The following LZTS1 variants were observed in gnomAD, a reference collection of about 807,000 sequenced individuals.
LZTS1 encodes the protein leucine zipper putative tumor suppressor 1.
Under a neutral mutation model 45.8 loss-of-function variants are expected in LZTS1, and 31 were observed. That is an observed-to-expected ratio of 0.68 (90% CI 0.51 to 0.91). The LOEUF (loss-of-function observed/expected upper bound fraction) is 0.91, where lower values mean the gene tolerates loss of function less well. Among genes scored for constraint, LZTS1 ranks in the 40% least tolerant of loss-of-function variants. The probability of loss-of-function intolerance (pLI) is 0.00; values close to 1 mark genes in which losing one functional copy is unlikely to be tolerated. For synonymous variants in LZTS1, 359 were observed against 357.3 expected, an observed-to-expected ratio of 1.00 and a Z score of -0.05; for missense variants, 821 against 788.9, an observed-to-expected ratio of 1.04 and a Z score of -0.49.
chr8:20,303,743 C>T lies in LZTS1; in HGVS notation c.-138G>A. The stretch of plus-strand genomic sequence containing the variant: ...ATCCCCGGCCACCGCACCTTACCTG[C>T]CCCCTGCGCCTCGGGCGCACTTGAG... On this transcript the variant is annotated 5_prime_UTR_variant, in exon 1 of 4. Transcript: ENST00000381569. The T allele has an allele frequency of 3.0e-6, 3 of 985,542 alleles. No individual in the cohort carries two copies. The highest frequency in any genetic ancestry group is 3.6e-6 in the Non-Finnish European group (3 of 830,208). 61.0% of individuals were successfully genotyped at this position (985,542 alleles called of 1,614,324 possible).
intron 1 of LZTS1, among the ~76,000 whole-genome samples, chr8:20,267,753 G>A (rs974107012): frequency 3.9e-5 from 6 of 152,114 alleles, no homozygotes; most frequent in Non-Finnish European, 8.8e-5. Flanking sequence ...TTGACCTCAT[G>A]ATCCACCCGA....
intron 1 of LZTS1, among the ~76,000 whole-genome samples, chr8:20,303,322 A>C (rs1277959057): frequency 2.0e-5 from 3 of 151,906 alleles, no homozygotes; most frequent in Non-Finnish European, 4.4e-5. Context: ...AGCGGCCCGG[A>C]CCGACCGCCG....
intron 1 of LZTS1, among the ~76,000 whole-genome samples, chr8:20,270,414 G>A (rs928880447): frequency 3.3e-5 from 5 of 152,258 alleles, no homozygotes; most frequent in African/African-American, 9.6e-5. Flanking sequence ...GCAGCTTCCC[G>A]TGTCATCAGC....
At position 20,250,077 on chromosome 8, in the gene LZTS1, C is replaced by G. The variant is rs1226738822; in HGVS notation, c.1436G>C (p.Arg479Pro). ...GTCGCGGGCCAGGGCGGCCTGGGCC[C>G]GCAGCTCCTGCAGCTCCTGCTCCAG... The part of the protein sequence containing the change: ...NLLEQELQEL[R>P]AQAALARDMG... Residue 479 changes from arginine to proline, a missense_variant, in exon 4 of 4, where the codon CGG becomes CCG. Physicochemically the swap from Arg to Pro is moderately radical, Grantham distance 103. Coordinates refer to ENST00000381569, the MANE Select transcript of LZTS1 (RefSeq NM_021020.5). 2 of 1,607,184 alleles carry G rather than the reference C, an allele frequency of 1.2e-6. No individual in the cohort carries two copies. Among genetic ancestry groups the G allele is most frequent in the East Asian group, 2.2e-5 (1 of 44,848 alleles).
intron 1 of LZTS1, among the ~76,000 whole-genome samples, chr8:20,259,972 G>A (rs1413377373): frequency 1.3e-5 from 2 of 152,182 alleles, no homozygotes; most frequent in African/African-American, 2.4e-5. Context: ...AGTGATCACA[G>A]CTCACTGCAG....
Position 20,258,206 on chromosome 8 carries a change from A to C in LZTS1, c.-134-2891T>G, listed in dbSNP as rs971565216. 3.3e-5 allele frequency among the ~76,000 whole-genome samples: 5 copies of C among 152,268 alleles called. No individual in the cohort carries two copies. The South Asian group carries it at 1.0e-3, about 32-fold the overall frequency. On this transcript the variant is annotated intron_variant, in intron 1 of 3. Transcript: ENST00000381569. ...ACAGATATCCAATTAAGAAGGGGAA[A>C]GCCACAAGTTTAATAAAACAGGAGA...
Position 20,249,630 on chromosome 8 carries a change from C to T in LZTS1, c.*92G>A, listed in dbSNP as rs1486130401. The T allele has an allele frequency of 2.7e-6, 4 of 1,477,248 alleles. No homozygotes were observed. The highest frequency in any genetic ancestry group is 3.6e-6 in the Non-Finnish European group (4 of 1,105,248). 91.5% of individuals were successfully genotyped at this position (1,477,248 alleles called of 1,614,324 possible). A position where few individuals can be genotyped will look rare whatever the true frequency, so the allele number is the denominator to read the frequency against. On this transcript the variant is annotated 3_prime_UTR_variant, in exon 4 of 4. Transcript: ENST00000381569. ...CTGTGTCCCAGGGAGTGGCGTCTCT[C>T]AGAGGGGTCTGAATTGCTGAGCAGG...
intron 1 of LZTS1, among the ~76,000 whole-genome samples, chr8:20,261,907 T>G (rs1352402824): frequency 6.6e-6 from 1 of 151,976 alleles, no homozygotes. Flanking sequence ...GCCTCCTCCC[T>G]CCCACTCAGC....
chr8:20,266,124 G>A (rs1482225533), intron 1 of LZTS1, among the ~76,000 whole-genome samples: 1 of 151,836 alleles, frequency 6.6e-6, no homozygotes, highest in East Asian at 1.9e-4. Context: ...CAAGGCTCAA[G>A]AGATCCTCCT....
chr8:20,261,261 A>C (rs537167095), intron 1 of LZTS1, among the ~76,000 whole-genome samples: 4 of 152,154 alleles, frequency 2.6e-5, no homozygotes, highest in Non-Finnish European at 5.9e-5. Context: ...GCTCCTACAG[A>C]AGGAATCCAG....
rs1230701445 is a variant in LZTS1, at chr8:20,254,832, C to T, written c.345+5G>A. 1 of 1,599,390 alleles carries T rather than the reference C, an allele frequency of 6.3e-7. No homozygotes were observed. Among genetic ancestry groups the T allele is most frequent in the Non-Finnish European group, 8.5e-7 (1 of 1,170,980 alleles). ...CACTTACCCTTGCCAGCGACCCCCG[C>T]TTACCATTTCTAGCTGATTGGAGAA... On this transcript the variant is annotated splice_donor_5th_base_variant and intron_variant, in intron 2 of 3. Transcript: ENST00000381569.
intron 1 of LZTS1, among the ~76,000 whole-genome samples, chr8:20,257,862 T>C (rs1800142643): frequency 6.6e-6 from 1 of 151,990 alleles, no homozygotes; most frequent in African/African-American, 2.4e-5. Context: ...TTAGTAGAGA[T>C]GGGGTTTTCC....
At chr8:20,272,401 A>AC (rs1046701052) in intron 1 of LZTS1, among the ~76,000 whole-genome samples, 94 of 150,270 alleles carry the variant, frequency 6.3e-4, no homozygotes, top group Middle Eastern at 3.4e-3. Context: ...TCTGAGCCTG[A>AC]CCCCCCTTCC....
Position 20,252,901 on chromosome 8 carries a change from G to A in LZTS1, c.1030C>T (p.Gln344Ter). Reference protein sequence around the residue: ...QVLQLQQEKRQLRQELESLMK... With the variant: ...QVLQLQQEKR ...AGGCTCTCGAGCTCCTGCCGGAGCT[G>A]CCGCTTCTCCTGCTGAAGCTGCAGT... The change falls in exon 3 of 4, where the codon CAG becomes TAG. Residue 344 changes from glutamine to a stop codon, truncating the protein, a stop_gained. Coordinates refer to ENST00000381569, the MANE Select transcript of LZTS1 (RefSeq NM_021020.5). LOFTEE classifies it high-confidence loss of function. The A allele has an allele frequency of 6.2e-7, 1 of 1,610,530 alleles. No homozygotes were observed. The highest frequency in any genetic ancestry group is 8.5e-7 in the Non-Finnish European group (1 of 1,179,030).
At position 20,252,916 on chromosome 8, in the gene LZTS1, G is replaced by C. The variant is rs1799972613; in HGVS notation, c.1015C>G (p.Gln339Glu). The C allele has an allele frequency of 6.2e-7, 1 of 1,609,764 alleles. No individual in the cohort carries two copies. The highest frequency in any genetic ancestry group is 8.5e-7 in the Non-Finnish European group (1 of 1,178,828). The change falls in exon 3 of 4, where the codon CAG (glutamine) becomes GAG (glutamate). Residue 339 changes from glutamine (Q) to glutamate (E), a missense_variant. Physicochemically the swap from Gln to Glu is conservative, Grantham distance 29. Transcript: ENST00000381569. ...TGCCGGAGCTGCCGCTTCTCCTGCTGAAGCTGCAGTACCTGCAGGTGCAGG... is the reference window on the plus strand; with the variant it reads ...TGCCGGAGCTGCCGCTTCTCCTGCTCAAGCTGCAGTACCTGCAGGTGCAGG... Reference protein sequence around the residue: ...QVLHLQVLQLQQEKRQLRQEL... With the variant: ...QVLHLQVLQLEQEKRQLRQEL...
At chr8:20,251,599 G>A (rs73605915) in intron 3 of LZTS1, among the ~76,000 whole-genome samples, 1 of 152,102 alleles carries the variant, frequency 6.6e-6, no homozygotes, top group Admixed American at 6.5e-5. Context: ...CTGTGGCTTC[G>A]GTTTTCATCA....
At chr8:20,269,159 G>C (rs1317583821) in intron 1 of LZTS1, among the ~76,000 whole-genome samples, 1 of 152,180 alleles carries the variant, frequency 6.6e-6, no homozygotes, top group Non-Finnish European at 1.5e-5. Flanking sequence ...TTTGTGCTGC[G>C]GCTGGTCCCA....
intron 1 of LZTS1, among the ~76,000 whole-genome samples, chr8:20,272,453 G>C (rs963664516): frequency 6.6e-6 from 1 of 152,062 alleles, no homozygotes; most frequent in Non-Finnish European, 1.5e-5. Flanking sequence ...GGTGGTCTTT[G>C]TATTTTGAAG....
Position 20,249,922 on chromosome 8 carries a change from C to G in LZTS1, c.1591G>C (p.Val531Leu), listed in dbSNP as rs139782965. 7 of 1,614,094 alleles carry G rather than the reference C, an allele frequency of 4.3e-6. No homozygotes were observed. In the Admixed American group the frequency reaches 5.0e-5, roughly 12 times the overall value. ...ACCTTCTCCTTCTCCTCCTTCCACA[C>G]GAGCCGCTCATGCTGGAAGCCCGAG... ...MSSGFQHERL[V>L]WKEEKEKVIQ... Residue 531 changes from valine (V) to leucine (L), a missense_variant, in exon 4 of 4, where the codon GTG (valine) becomes CTG (leucine). By Grantham distance (32) the Val-to-Leu change is conservative. Transcript: ENST00000381569.
Sources: gnomAD v4.1 joint callset for allele counts (sites outside exome capture counted in the v4.1 genomes callset) on GRCh38, gnomAD v4.1.1 for gene constraint, MANE v1.5 for transcripts, NCBI Gene and HGNC (gene_info 2026-07-23, HGNC 2026-07-21) for gene names.